Variants in TRIM24 observed in about 807,000 individuals in gnomAD.
TRIM24 encodes tripartite motif containing 24.
Under a neutral mutation model 123.9 loss-of-function variants are expected in TRIM24, and 29 were observed. That is an observed-to-expected ratio of 0.23 (90% confidence interval 0.17 to 0.32). TRIM24 has a LOEUF of 0.32. TRIM24 is among the 10% of genes least tolerant of loss of function. The probability of loss-of-function intolerance (pLI) is 1.00; values close to 1 mark genes in which losing one functional copy is unlikely to be tolerated. For synonymous variants in TRIM24, 456 were observed against 461.1 expected, an observed-to-expected ratio of 0.99 and a Z score of 0.14; for missense variants, 932 against 1,295.3, an observed-to-expected ratio of 0.72 and a Z score of 4.31.
intron 1 of TRIM24, among the ~76,000 whole-genome samples, chr7:138,473,334 G>T (rs896035032): frequency 6.6e-6 from 1 of 152,176 alleles, no homozygotes; most frequent in African/African-American, 2.4e-5. Context: ...ATTAATGTGT[G>T]GTTTCTCTCT....
At position 138,584,799 on chromosome 7, in the gene TRIM24, C is replaced by G. The variant is rs1168383556; in HGVS notation, c.3001C>G (p.Leu1001Val). 6.2e-6 allele frequency: 10 copies of G among 1,613,090 alleles called. No individual in the cohort carries two copies. Among genetic ancestry groups the G allele is most frequent in the Non-Finnish European group, 8.5e-6 (10 of 1,179,686 alleles). The change falls in exon 19 of 19, where the codon CTA becomes GTA. Residue 1001 changes from leucine to valine, a missense_variant. This residue lies in a region of TRIM24 where 104 missense variants were observed against 121.5 expected (regional missense o/e 0.86). Coordinates refer to ENST00000343526, the MANE Select transcript of TRIM24 (RefSeq NM_015905.3). ...ACTTGAAAATTATTTTGAAGAACTT[C>G]TAAAGAACCTCTATCCAGAAAAAAG... The part of the protein sequence containing the change: ...IKLENYFEEL[L>V]KNLYPEKRFP...
chr7:138,530,653 G>T (rs983124158), intron 6 of TRIM24, among the ~76,000 whole-genome samples: 5 of 151,352 alleles, frequency 3.3e-5, no homozygotes, highest in Non-Finnish European at 7.4e-5. Context: ...TTTTTTAAGA[G>T]GGGGGGTTTT....
At chr7:138,515,904 T>C (rs1490503973) in intron 3 of TRIM24, among the ~76,000 whole-genome samples, 1 of 152,228 alleles carries the variant, frequency 6.6e-6, no homozygotes, top group Non-Finnish European at 1.5e-5. Context: ...AAATGTACAA[T>C]TCAGTGGTAT....
intron 1 of TRIM24, among the ~76,000 whole-genome samples, chr7:138,472,264 A>G (rs1795288047): frequency 6.6e-6 from 1 of 152,096 alleles, no homozygotes; most frequent in Non-Finnish European, 1.5e-5. Context: ...GGACATGGAA[A>G]GGATCCACGA....
At chr7:138,531,245 CAT>C (rs1796731710) in intron 6 of TRIM24, among the ~76,000 whole-genome samples, 1 of 146,506 alleles carries the variant, frequency 6.8e-6, no homozygotes, top group Non-Finnish European at 1.5e-5. Flanking sequence ...TTACACGTTA[CAT>C]GTTACATATG....
chr7:138,555,735 G>C (rs10272478), intron 9 of TRIM24, among the ~76,000 whole-genome samples: 2,766 of 152,124 alleles, frequency 0.018, 70 homozygotes, highest in African/African-American at 0.061. Flanking sequence ...ACCCACCTCA[G>C]CCTCCCAAAG....
In TRIM24 at chr7:138,551,216, A is replaced by G. The variant is rs985006626; in HGVS notation, c.1261+36A>G. 7 of 1,522,804 alleles carry G rather than the reference A, an allele frequency of 4.6e-6. No individual in the cohort carries two copies. The African/African-American group carries it at 5.5e-5, about 12-fold the overall frequency. 94.3% of individuals were successfully genotyped at this position (1,522,804 alleles called of 1,614,324 possible). ...ACCATTACATACATTTCTCAGTGGC[A>G]TTTGTCTGTAAAACTCAATGATTAT... On this transcript the variant is annotated intron_variant, in intron 8 of 18. Transcript: ENST00000343526.
At chr7:138,581,641 C>G (rs1176338082) in intron 16 of TRIM24, 56 bp from the exon 17 acceptor site, 1 of 1,420,940 alleles carries the variant, frequency 7.0e-7, no homozygotes, top group Non-Finnish European at 9.8e-7. Flanking sequence ...TTAAAATAAG[C>G]TGTGAATTCA....
At chr7:138,495,241 A>T (rs10239358) in intron 1 of TRIM24, among the ~76,000 whole-genome samples, 51,024 of 152,106 alleles carry the variant, frequency 0.34, 9,232 homozygotes, top group African/African-American at 0.42. Context: ...GAACCAATGT[A>T]AATGTTGTAC....
chr7:138,587,887 T>C lies in TRIM24; in HGVS notation c.*2936T>C, dbSNP rs1584754425. On this transcript the variant is annotated 3_prime_UTR_variant, in exon 19 of 19. Transcript: ENST00000343526. ...GATGTAGACCATATTCAACGCAGAA[T>C]ACATTTTAGATCGGTATCTGGCATT... is the stretch of plus-strand genomic sequence containing the variant. The C allele has an allele frequency of 1.3e-5, 2 of 152,218 alleles. No homozygotes were observed. Among genetic ancestry groups the C allele is most frequent in the East Asian group, 3.9e-4 (2 of 5,192 alleles). 9.4% of individuals were successfully genotyped at this position (152,218 alleles called of 1,614,324 possible).
At chr7:138,576,194 A>C (rs1226955471) in intron 12 of TRIM24, among the ~76,000 whole-genome samples, 179 bp from the exon 13 acceptor site, 2 of 152,218 alleles carry the variant, frequency 1.3e-5, no homozygotes, top group Admixed American at 1.3e-4. Flanking sequence ...CAGAGGCTGA[A>C]AAACCCTGCC....
intron 9 of TRIM24, among the ~76,000 whole-genome samples, chr7:138,566,612 G>C (rs1308575868): frequency 6.6e-6 from 1 of 152,162 alleles, no homozygotes; most frequent in African/African-American, 2.4e-5. Context: ...TTTTGGTAAT[G>C]ATATGGCAGA....
intron 9 of TRIM24, among the ~76,000 whole-genome samples, 196 bp from the exon 10 acceptor site, chr7:138,567,285 T>G (rs1797553325): frequency 6.6e-6 from 1 of 152,180 alleles, no homozygotes; most frequent in Non-Finnish European, 1.5e-5. Context: ...CCTAGTAAGG[T>G]TCTTTTAAAA....
intron 7 of TRIM24, among the ~76,000 whole-genome samples, chr7:138,547,865 C>T (rs896655075): frequency 2.0e-5 from 3 of 152,192 alleles, no homozygotes; most frequent in Admixed American, 2.0e-4. Context: ...AGGCTAGCCT[C>T]GAACTCCTGA....
In TRIM24 at chr7:138,497,339, A is replaced by T. The variant is rs141855872; in HGVS notation, c.365-6951A>T. 9.0e-3 allele frequency among the ~76,000 whole-genome samples: 1,292 copies of T among 143,364 alleles called. 15 individuals are homozygous for T. The highest frequency in any genetic ancestry group is 0.031 in the African/African-American group (1,202 of 38,732). 94.1% of individuals were successfully genotyped at this position (143,364 alleles called of 152,430 possible). A position where few individuals can be genotyped will look rare whatever the true frequency, so the allele number is the denominator to read the frequency against. On this transcript the variant is annotated intron_variant, in intron 1 of 18. Coordinates refer to ENST00000343526, the MANE Select transcript of TRIM24 (RefSeq NM_015905.3). ...CATCTTGGCCTTCCAAAGTGCCAGT[A>T]TTACAGGTGTGAGCCACCGCGCCTG...
chr7:138,474,113 T>C (rs993884115), intron 1 of TRIM24, among the ~76,000 whole-genome samples: 1 of 145,172 alleles, frequency 6.9e-6, no homozygotes, highest in African/African-American at 2.6e-5. Context: ...TTTCTAGATT[T>C]ATCTTGTACT....
intron 18 of TRIM24, among the ~76,000 whole-genome samples, chr7:138,584,494 T>C (rs1250632023): frequency 1.3e-5 from 2 of 152,226 alleles, no homozygotes; most frequent in Non-Finnish European, 2.9e-5. Flanking sequence ...CTAACTGATA[T>C]GTGTTTGGCA....
chr7:138,557,565 C>T (rs910790748), intron 9 of TRIM24, among the ~76,000 whole-genome samples: 29 of 152,162 alleles, frequency 1.9e-4, no homozygotes, highest in African/African-American at 7.0e-4. Context: ...TGAAAACCAG[C>T]CCCCGAAGAG....
In TRIM24 at chr7:138,583,463, T is replaced by A. The variant is rs144784396; in HGVS notation, c.2794-387T>A. 6.7e-3 allele frequency among the ~76,000 whole-genome samples: 1,019 copies of A among 152,048 alleles called. 14 individuals are homozygous for A. Among genetic ancestry groups the A allele is most frequent in the Middle Eastern group, 6.8e-3 (2 of 294 alleles). On this transcript the variant is annotated intron_variant, in intron 17 of 18. Coordinates refer to ENST00000343526, the MANE Select transcript of TRIM24 (RefSeq NM_015905.3). ...GGCAAAACCCCATCTCTACAAAAAA[T>A]ACAAAAATTAGCCGGCTATGTTAGC...
Sources: allele counts gnomAD v4.1 joint callset (sites outside exome capture counted in the v4.1 genomes callset), GRCh38; gene constraint gnomAD v4.1.1; regional missense constraint gnomAD v4.1.1; transcripts MANE v1.5; gene names NCBI Gene and HGNC (gene_info 2026-07-23, HGNC 2026-07-21).